The following PLPPR1 variants were observed in gnomAD, a reference collection of about 807,000 sequenced individuals.
PLPPR1 encodes phospholipid phosphatase related 1.
Under a neutral mutation model 33.1 loss-of-function variants are expected in PLPPR1, and 10 were observed. The observed-to-expected ratio is 0.30, with a 90% CI of 0.19 to 0.51. PLPPR1 has a LOEUF of 0.51. Among genes scored for constraint, PLPPR1 ranks in the 20% least tolerant of loss-of-function variants. The pLI, the probability that PLPPR1 is intolerant of heterozygous loss-of-function variation, is 0.97. For synonymous variants in PLPPR1, 151 were observed against 151.0 expected (o/e 1.00, Z 0.00); for missense variants, 304 against 408.1 (o/e 0.74, Z 2.20).
intron 3 of PLPPR1, among the ~76,000 whole-genome samples, chr9:101,281,804 T>C (rs1416660209): frequency 6.6e-6 from 1 of 152,042 alleles, no homozygotes; most frequent in East Asian, 1.9e-4. Flanking sequence ...TTATGAACAA[T>C]GATACACCAA....
intron 1 of PLPPR1, among the ~76,000 whole-genome samples, chr9:101,083,965 G>A (rs1830649590): frequency 6.6e-6 from 1 of 152,160 alleles, no homozygotes; most frequent in African/African-American, 2.4e-5. Flanking sequence ...CCAATCTGTA[G>A]ATCTAATAAC....
At chr9:101,317,979 A>T (rs34698232) in intron 7 of PLPPR1, among the ~76,000 whole-genome samples, 1 of 152,184 alleles carries the variant, frequency 6.6e-6, no homozygotes, top group Non-Finnish European at 1.5e-5. Flanking sequence ...CTACAACAGA[A>T]CCTTGCATCA....
intron 4 of PLPPR1, among the ~76,000 whole-genome samples, chr9:101,287,074 T>C (rs948598299): frequency 6.6e-6 from 1 of 152,212 alleles, no homozygotes; most frequent in Admixed American, 6.5e-5. Flanking sequence ...ATGATTGAAT[T>C]TCTTCAAGTA....
chr9:101,306,735 A>G lies in PLPPR1; in HGVS notation c.386-2476A>G, dbSNP rs532613998. Among the ~76,000 whole-genome samples, 4 of 152,340 alleles carry G rather than the reference A, an allele frequency of 2.6e-5. No individual in the cohort carries two copies. The South Asian group carries it at 6.2e-4, about 24-fold the overall frequency. ...AAATGAAAAATATCTATTAAAAAAT[A>G]TGATCTCACCTGAAGAATTTTAGAC... On this transcript the variant is annotated intron_variant, in intron 4 of 7. Transcript: ENST00000374874.
At chr9:101,231,867 A>G (rs1428186952) in intron 2 of PLPPR1, among the ~76,000 whole-genome samples, 1 of 152,094 alleles carries the variant, frequency 6.6e-6, no homozygotes, top group Non-Finnish European at 1.5e-5. Flanking sequence ...CCATATTGAC[A>G]CAAATATTCT....
At chr9:101,227,266 T>TA (rs2118807409) in intron 2 of PLPPR1, among the ~76,000 whole-genome samples, 1 of 148,976 alleles carries the variant, frequency 6.7e-6, no homozygotes, top group African/African-American at 2.6e-5. Flanking sequence ...CTTTAAAAAA[T>TA]AAAAAAATGT....
chr9:101,030,872 G>T (rs939428473), intron 1 of PLPPR1, among the ~76,000 whole-genome samples: 5 of 149,968 alleles, frequency 3.3e-5, no homozygotes, highest in African/African-American at 1.2e-4. Flanking sequence ...GATTAATTGA[G>T]AAATGACTTA....
chr9:101,276,768 C>T lies in PLPPR1; in HGVS notation c.252+6700C>T, dbSNP rs1038395720. On this transcript the variant is annotated intron_variant, in intron 3 of 7. Coordinates refer to ENST00000374874, the MANE Select transcript of PLPPR1 (RefSeq NM_207299.2). Reference sequence around the variant, plus strand: ...GTGCCACCTAAAGACACCTTCTGAACGGGTGGATGTGGCCTCTGGAGTAAG... The same window carrying T: ...GTGCCACCTAAAGACACCTTCTGAATGGGTGGATGTGGCCTCTGGAGTAAG... Among the ~76,000 whole-genome samples the T allele has an allele frequency of 7.2e-5, 11 of 152,290 alleles. No individual in the cohort carries two copies. The South Asian group carries it at 1.5e-3, about 20-fold the overall frequency.
chr9:101,220,296 T>G, intron 2 of PLPPR1, among the ~76,000 whole-genome samples: 1 of 152,234 alleles, frequency 6.6e-6, no homozygotes, highest in Non-Finnish European at 1.5e-5. Flanking sequence ...TGTCATTTAA[T>G]TGAGCACGGT....
rs184308553 is a variant in PLPPR1, at chr9:101,169,534, G to T, written c.-45-15916G>T. Among the ~76,000 whole-genome samples, 418 of 152,124 alleles carry T rather than the reference G, an allele frequency of 2.7e-3. 3 individuals carry two copies. The highest frequency in any genetic ancestry group is 9.0e-3 in the African/African-American group (373 of 41,520). ...TTATTTTGACATTATCATGCTTTCT[G>T]CTTTCTTCTCAACTGCTTCAGGTCA... On this transcript the variant is annotated intron_variant, in intron 1 of 7. Coordinates refer to ENST00000374874, the MANE Select transcript of PLPPR1 (RefSeq NM_207299.2).
Position 101,269,945 on chromosome 9 carries a change from G to A in PLPPR1, c.129G>A (p.Val43=). 6.2e-7 allele frequency: 1 copy of A among 1,614,178 alleles called. No homozygotes were observed. Among genetic ancestry groups the A allele is most frequent in the East Asian group, 2.2e-5 (1 of 44,886 alleles). Residue 43 remains valine, a synonymous_variant, in exon 3 of 8, where the codon GTG becomes GTA. Coordinates refer to ENST00000374874, the MANE Select transcript of PLPPR1 (RefSeq NM_207299.2). The stretch of plus-strand genomic sequence containing the variant: ...TCGAATGCACTGACACTTTTCAGGT[G>A]CATATCCAAGGATTCTTCTGTCAGG... ...YYFECTDTFQ[V]HIQGFFCQDG...
chr9:101,060,072 T>C (rs1306281555), intron 1 of PLPPR1, among the ~76,000 whole-genome samples: 1 of 152,060 alleles, frequency 6.6e-6, no homozygotes, highest in Non-Finnish European at 1.5e-5. Context: ...TCAACCTAAG[T>C]TATCATCAAT....
intron 1 of PLPPR1, among the ~76,000 whole-genome samples, chr9:101,139,292 C>T (rs910806036): frequency 5.3e-5 from 8 of 152,118 alleles, no homozygotes; most frequent in Non-Finnish European, 1.0e-4. Flanking sequence ...GGCATTGTCT[C>T]CCATGCGGTG....
Position 101,240,221 on chromosome 9 carries a change from T to G in PLPPR1, c.64-29659T>G, listed in dbSNP as rs1827434250. ...AGTTTACTCCGAATATGAGGATTTA[T>G]TTATGGGTTCTCTGTTCCATTTCAT... On this transcript the variant is annotated intron_variant, in intron 2 of 7. Transcript: ENST00000374874. 2.0e-5 allele frequency among the ~76,000 whole-genome samples: 3 copies of G among 152,006 alleles called. No homozygotes were observed. In the South Asian group the frequency reaches 6.2e-4, roughly 31 times the overall value.
chr9:101,185,530 C>T lies in PLPPR1; in HGVS notation c.36C>T (p.Ser12=). ...GAAACAACACTCAACGAAGTTATTC[C>T]ATCATCCCGTGTTTTATATTTGTTG... ...AVGNNTQRSY[S]IIPCFIFVEL... is the part of the protein sequence containing the mutation. Residue 12 remains serine, a synonymous_variant, in exon 2 of 8, where the codon TCC becomes TCT. Transcript: ENST00000374874. 6.2e-7 allele frequency: 1 copy of T among 1,609,528 alleles called. No individual in the cohort carries two copies. The highest frequency in any genetic ancestry group is 8.5e-7 in the Non-Finnish European group (1 of 1,177,070).
At chr9:101,199,696 A>G (rs777485217) in intron 2 of PLPPR1, among the ~76,000 whole-genome samples, 3 of 152,220 alleles carry the variant, frequency 2.0e-5, no homozygotes, top group Non-Finnish European at 4.4e-5. Context: ...AAAATAAGGT[A>G]CATCTATGCC....
At chr9:101,126,273 T>C (rs1281804742) in intron 1 of PLPPR1, among the ~76,000 whole-genome samples, 1 of 152,184 alleles carries the variant, frequency 6.6e-6, no homozygotes, top group Non-Finnish European at 1.5e-5. Flanking sequence ...AATAACTAAT[T>C]GAATTTCTCT....
At chr9:101,239,298 GT>G (rs1388024537) in intron 2 of PLPPR1, among the ~76,000 whole-genome samples, 1 of 151,866 alleles carries the variant, frequency 6.6e-6, no homozygotes, top group South Asian at 2.1e-4. Flanking sequence ...GTTCCATACT[GT>G]TTTCTACAAT....
At chr9:101,258,741 G>C in intron 2 of PLPPR1, among the ~76,000 whole-genome samples, 1 of 152,112 alleles carries the variant, frequency 6.6e-6, no homozygotes, top group East Asian at 1.9e-4. Flanking sequence ...AGGCAGCCCT[G>C]GGAAAGACCA....
Sources: gnomAD v4.1 joint callset for allele counts (sites outside exome capture counted in the v4.1 genomes callset) on GRCh38, gnomAD v4.1.1 for gene constraint, MANE v1.5 for transcripts, NCBI Gene and HGNC (gene_info 2026-07-23, HGNC 2026-07-21) for gene names.